Variants in ALPK3 observed in about 807,000 individuals in gnomAD.
ALPK3 encodes the protein alpha-protein kinase 3.
ALPK3 carries 102 observed loss-of-function variants against 140.0 expected under a neutral mutation model. The ratio of observed to expected loss-of-function variants is 0.73; its 90% CI spans 0.62 to 0.86. ALPK3 has a LOEUF of 0.86. Ranked by LOEUF, ALPK3 falls within the 40% of genes least tolerant of loss-of-function variation. ALPK3 has a pLI of 0.00. For synonymous variants in ALPK3, 938 were observed against 898.5 expected (o/e 1.04, Z -0.79); for missense variants, 2,254 against 2,208.2 (o/e 1.02, Z -0.42).
At chr15:84,822,006 G>C (rs1963430989) in intron 1 of ALPK3, among the ~76,000 whole-genome samples, 1 of 152,164 alleles carries the variant, frequency 6.6e-6, no homozygotes, top group South Asian at 2.1e-4. Flanking sequence ...TGCAGCGGGA[G>C]TGTGAGTAGA....
chr15:84,861,738 A>G (rs9944229), intron 9 of ALPK3, among the ~76,000 whole-genome samples: 32,188 of 152,168 alleles, frequency 0.21, 3,512 homozygotes, highest in African/African-American at 0.23. Flanking sequence ...ATGAAGGATA[A>G]ATACTTGCTC....
In ALPK3 at chr15:84,870,999, T is replaced by A. The variant is rs1040064403; in HGVS notation, c.*2543T>A. 2 of 152,536 alleles carry A rather than the reference T, an allele frequency of 1.3e-5. No individual in the cohort carries two copies. The highest frequency in any genetic ancestry group is 2.9e-5 in the Non-Finnish European group (2 of 68,042). 9.4% of individuals were successfully genotyped at this position (152,536 alleles called of 1,614,324 possible). On this transcript the variant is annotated 3_prime_UTR_variant, in exon 14 of 14. Coordinates refer to ENST00000258888, the MANE Select transcript of ALPK3 (RefSeq NM_020778.5). ...CCAGGGGTAATGACACGGCTTCTAT[T>A]CTCCAAAGTCCAGTGTCATTAGGGA...
chr15:84,841,224 G>A (rs1963662622), intron 5 of ALPK3, among the ~76,000 whole-genome samples: 2 of 152,214 alleles, frequency 1.3e-5, no homozygotes. Flanking sequence ...TGTTCTCTGG[G>A]GTGGGAAAGG....
intron 6 of ALPK3, 135 bp downstream of exon 6, chr15:84,858,690 G>A: frequency 1.5e-6 from 2 of 1,342,932 alleles, no homozygotes; most frequent in East Asian, 5.0e-5. Context: ...CTTGGTAAAG[G>A]TACCCTTCTC....
Position 84,839,086 on chromosome 15 carries a change from G to A in ALPK3, c.411G>A (p.Leu137=). The change falls in exon 4 of 14, where the codon CTG becomes CTA. Residue 137 remains leucine (L), a synonymous_variant. Transcript: ENST00000258888. Reference sequence around the variant, plus strand: ...CTCATCAGGGCAACCGCCACACACTGCAGCTGTACAGGTGAGGGAGAAGGG... The same window carrying A: ...CTCATCAGGGCAACCGCCACACACTACAGCTGTACAGGTGAGGGAGAAGGG... ...EITHQGNRHT[L]QLYRCREEDA... is the part of the protein sequence containing the mutation. The A allele has an allele frequency of 6.2e-7, 1 of 1,608,316 alleles. No homozygotes were observed. Among genetic ancestry groups the A allele is most frequent in the East Asian group, 2.2e-5 (1 of 44,676 alleles).
At position 84,821,924 on chromosome 15, in the gene ALPK3, A is replaced by T. The variant is rs1963429480; in HGVS notation, c.144-1406A>T. The stretch of plus-strand genomic sequence containing the variant: ...AGGGAAGGCTCAGGGGTCAGGAAGG[A>T]CTGTTCATGCTGATAAGGGACAGGC... On this transcript the variant is annotated intron_variant, in intron 1 of 13. Coordinates refer to ENST00000258888, the MANE Select transcript of ALPK3 (RefSeq NM_020778.5). Among the ~76,000 whole-genome samples, 4 of 152,222 alleles carry T rather than the reference A, an allele frequency of 2.6e-5. No homozygotes were observed. The South Asian group carries it at 8.3e-4, about 32-fold the overall frequency.
chr15:84,868,567 G>C lies in ALPK3; in HGVS notation c.*111G>C. 5.5e-6 allele frequency: 6 copies of C among 1,090,918 alleles called. No homozygotes were observed. Among genetic ancestry groups the C allele is most frequent in the Non-Finnish European group, 6.4e-6 (5 of 783,236 alleles). The allele number at this position is 1,090,918 out of a possible 1,614,324, so 67.6% of individuals were successfully genotyped here. ...CTAACTGGAGAAGGTGCACGAAGGAGACACCACTTGGGGACCTCTCTGAGC... is the reference window on the plus strand; with the variant it reads ...CTAACTGGAGAAGGTGCACGAAGGACACACCACTTGGGGACCTCTCTGAGC... On this transcript the variant is annotated 3_prime_UTR_variant, in exon 14 of 14. Transcript: ENST00000258888.
intron 6 of ALPK3, 66 bp downstream of exon 6, chr15:84,858,621 C>T (rs1963900592): frequency 1.3e-6 from 2 of 1,493,968 alleles, no homozygotes; most frequent in Middle Eastern, 2.0e-4. Flanking sequence ...ACTGCTGCTG[C>T]TGCTAACAGC....
intron 5 of ALPK3, among the ~76,000 whole-genome samples, chr15:84,848,533 G>A (rs994758523): frequency 6.6e-6 from 1 of 151,982 alleles, no homozygotes; most frequent in African/African-American, 2.4e-5. Flanking sequence ...CTAAAAGGAG[G>A]CAAGAATAGG....
In ALPK3 at chr15:84,863,559, A is replaced by G; in HGVS notation, c.4418A>G (p.Lys1473Arg). 6.2e-7 allele frequency: 1 copy of G among 1,613,944 alleles called. No individual in the cohort carries two copies. ...RNYDVTIQGC[K>R]IQNMSREYCK... is the part of the protein sequence containing the mutation. ...TGGTTCCCTCATCCACAGGGGTGCA[A>G]GATCCAGAACATGAGTCGGGAGTAC... The change falls in exon 11 of 14, where the codon AAG becomes AGG. Residue 1473 changes from lysine to arginine, a missense_variant. By Grantham distance (26) the Lys-to-Arg change is conservative (BLOSUM62 2). Transcript: ENST00000258888.
At chr15:84,867,229 A>C in intron 12 of ALPK3, 88 bp from the exon 13 acceptor site, 1 of 1,451,768 alleles carries the variant, frequency 6.9e-7, no homozygotes, top group East Asian at 2.4e-5. Context: ...ACATGGTTCT[A>C]AGCCACCCAG....
At position 84,868,618 on chromosome 15, in the gene ALPK3, C is replaced by A; in HGVS notation, c.*162C>A. The A allele has an allele frequency of 1.4e-6, 1 of 723,144 alleles. No individual in the cohort carries two copies. The highest frequency in any genetic ancestry group is 2.2e-6 in the Non-Finnish European group (1 of 450,356). 44.8% of individuals were successfully genotyped at this position (723,144 alleles called of 1,614,324 possible). A position where few individuals can be genotyped will look rare whatever the true frequency, so the allele number is the denominator to read the frequency against. Reference sequence around the variant, plus strand: ...AGGCTCTCGTGAATCAGCTCGTCATCAGATGGCTTTGGTGCATGGCACATA... The same window carrying A: ...AGGCTCTCGTGAATCAGCTCGTCATAAGATGGCTTTGGTGCATGGCACATA... On this transcript the variant is annotated 3_prime_UTR_variant, in exon 14 of 14. Coordinates refer to ENST00000258888, the MANE Select transcript of ALPK3 (RefSeq NM_020778.5).
At chr15:84,848,636 A>C (rs970774157) in intron 5 of ALPK3, among the ~76,000 whole-genome samples, 2 of 152,252 alleles carry the variant, frequency 1.3e-5, no homozygotes, top group African/African-American at 4.8e-5. Context: ...TATTAACTAT[A>C]AATGGTCTGA....
intron 3 of ALPK3, among the ~76,000 whole-genome samples, chr15:84,831,909 T>C (rs1242724999): frequency 1.3e-5 from 2 of 152,224 alleles, no homozygotes; most frequent in Non-Finnish European, 2.9e-5. Context: ...CTGGGAGTTA[T>C]GCAGATCAGA....
At chr15:84,832,539 C>T (rs1201789920) in intron 3 of ALPK3, among the ~76,000 whole-genome samples, 3 of 152,186 alleles carry the variant, frequency 2.0e-5, no homozygotes, top group Non-Finnish European at 2.9e-5. Context: ...GGCTTGCCCT[C>T]TGGGAGGTCA....
chr15:84,832,392 T>C (rs942826052), intron 3 of ALPK3, among the ~76,000 whole-genome samples: 6 of 152,218 alleles, frequency 3.9e-5, no homozygotes, highest in African/African-American at 1.4e-4. Context: ...CTTTTACATA[T>C]GTTGATTAAA....
rs186083264 is a variant in ALPK3 at position 84,871,969 on chromosome 15, G to A, written c.*3513G>A. The A allele has an allele frequency of 2.3e-3, 349 of 152,378 alleles. 2 individuals carry two copies. Among genetic ancestry groups the A allele is most frequent in the African/African-American group, 4.3e-3 (179 of 41,578 alleles). The allele number at this position is 152,378 out of a possible 1,614,324, so 9.4% of individuals were successfully genotyped here. ...AAATCCAGAACAAGGGCCCAAAAGGGCCAAGACAAATTACTGCCCCTCTCA... is the reference window on the plus strand; with the variant it reads ...AAATCCAGAACAAGGGCCCAAAAGGACCAAGACAAATTACTGCCCCTCTCA... On this transcript the variant is annotated 3_prime_UTR_variant, in exon 14 of 14. Coordinates refer to ENST00000258888, the MANE Select transcript of ALPK3 (RefSeq NM_020778.5).
rs1229747029 is a variant in ALPK3 at position 84,870,467 on chromosome 15, C to T, written c.*2011C>T. 1 of 152,234 alleles carries T rather than the reference C, an allele frequency of 6.6e-6. No homozygotes were observed. Among genetic ancestry groups the T allele is most frequent in the East Asian group, 1.9e-4 (1 of 5,206 alleles). 9.4% of individuals were successfully genotyped at this position (152,234 alleles called of 1,614,324 possible). Reference sequence around the variant, plus strand: ...ATGTATGAGGCCATCTCAGGAGAGACTACTTGTTAGGATTCTTGAGTTTTG... The same window carrying T: ...ATGTATGAGGCCATCTCAGGAGAGATTACTTGTTAGGATTCTTGAGTTTTG... On this transcript the variant is annotated 3_prime_UTR_variant, in exon 14 of 14. Transcript: ENST00000258888.
Position 84,856,453 on chromosome 15 carries a change from C to T in ALPK3, c.1715C>T (p.Ala572Val), listed in dbSNP as rs373204179. The change falls in exon 6 of 14, where the codon GCC becomes GTC. Residue 572 changes from alanine (A) to valine (V), a missense_variant. Transcript: ENST00000258888. ...TCGGCCAGCAGCAGCTCTGATGTAG[C>T]CTCCATTGGGGTTAGCACTTCCGGA... ...TMSASSSSDV[A>V]SIGVSTSGSQ... 3.7e-6 allele frequency: 6 copies of T among 1,613,552 alleles called. No individual in the cohort carries two copies. The African/African-American group carries it at 6.7e-5, about 18-fold the overall frequency.
Sources: allele counts gnomAD v4.1 joint callset (sites outside exome capture counted in the v4.1 genomes callset), GRCh38; gene constraint gnomAD v4.1.1; transcripts MANE v1.5; gene names NCBI Gene and HGNC (gene_info 2026-07-23, HGNC 2026-07-21).